The following TTC6 variants were observed in gnomAD, a reference collection of about 807,000 sequenced individuals.
The protein encoded by TTC6 is tetratricopeptide repeat domain 6, also known as tetratricopeptide repeat protein 6.
Under a neutral mutation model 210.4 loss-of-function variants are expected in TTC6, and 172 were observed. The observed-to-expected ratio is 0.82, with a 90% confidence interval of 0.72 to 0.93. The LOEUF is 0.93. TTC6 is among the 40% of genes least tolerant of loss of function. The probability of loss-of-function intolerance (pLI) is 0.00; values close to 1 mark genes in which losing one functional copy is unlikely to be tolerated. For missense variants in TTC6, 2,414 were observed against 2,318.1 expected, an observed-to-expected ratio of 1.04 and a Z score of -0.85; for synonymous variants, 804 against 819.6, an observed-to-expected ratio of 0.98 and a Z score of 0.32.
At chr14:37,738,920 A>G in exon 10 of TTC6, 5 of 1,535,482 alleles carry the variant, frequency 3.3e-6, no homozygotes, top group Non-Finnish European at 4.4e-6. Context: ...TAAGCAAAAT[A>G]AAACTGAGGA....
chr14:37,836,632 T>C (rs1262652288), intron 29 of TTC6, among the ~76,000 whole-genome samples: 1 of 152,234 alleles, frequency 6.6e-6, no homozygotes, highest in Non-Finnish European at 1.5e-5. Context: ...CTTGATATAC[T>C]GTATGCCTGA....
At chr14:37,687,744 G>C (rs968212395) in intron 3 of TTC6, among the ~76,000 whole-genome samples, 3 of 152,050 alleles carry the variant, frequency 2.0e-5, no homozygotes, top group African/African-American at 7.2e-5. Context: ...ACCCAGTTGT[G>C]GTAAGATTCA....
chr14:37,634,089 A>G (rs2095675364), intron 1 of TTC6, among the ~76,000 whole-genome samples: 1 of 152,182 alleles, frequency 6.6e-6, no homozygotes, highest in South Asian at 2.1e-4. Flanking sequence ...ATCCAGAAAC[A>G]TCTCAATTTG....
At chr14:37,634,308 A>G (rs1056093987) in intron 1 of TTC6, among the ~76,000 whole-genome samples, 7 of 152,330 alleles carry the variant, frequency 4.6e-5, no homozygotes, top group South Asian at 2.1e-4. Context: ...ACCAAAGGAA[A>G]TTTTTAGTAC....
chr14:37,646,455 C>T (rs929609493), intron 1 of TTC6, among the ~76,000 whole-genome samples: 1 of 151,972 alleles, frequency 6.6e-6, no homozygotes, highest in African/African-American at 2.4e-5. Flanking sequence ...GATGATGAGA[C>T]TATAGGATGG....
intron 1 of TTC6, among the ~76,000 whole-genome samples, chr14:37,633,185 T>G (rs2095673408): frequency 2.0e-5 from 3 of 152,198 alleles, no homozygotes; most frequent in Admixed American, 6.5e-5. Context: ...TAAAAACTCC[T>G]GAAGCTAGCT....
At chr14:37,833,143 G>T (rs2096189950) in intron 29 of TTC6, among the ~76,000 whole-genome samples, 1 of 151,882 alleles carries the variant, frequency 6.6e-6, no homozygotes, top group South Asian at 2.1e-4. Context: ...CTGTAGTGCA[G>T]TTTAAATCTG....
In TTC6 at chr14:37,706,622, G is replaced by A. The variant is rs79898944; in HGVS notation, c.1571+5096G>A. ...GCATTGCAACCATAATAAAGAATGA[G>A]GTAGAATTTTGTATTCTGAAAGGGT... On this transcript the variant is annotated intron_variant, in intron 5 of 30. Transcript: ENST00000553443. Among the ~76,000 whole-genome samples the A allele has an allele frequency of 9.1e-4, 139 of 152,130 alleles. No homozygotes were observed. The East Asian group carries it at 0.025, about 28-fold the overall frequency.
At chr14:37,820,944 T>TCTCCTCCTCCTTCTC in intron 26 of TTC6, among the ~76,000 whole-genome samples, 1 of 135,938 alleles carries the variant, frequency 7.4e-6, no homozygotes, top group South Asian at 2.2e-4. Context: ...TCCTCCTTCT[T>TCTCCTCCTCCTTCTC]CTCCTCCTCC....
intron 2 of TTC6, among the ~76,000 whole-genome samples, chr14:37,610,612 A>G (rs571652586): frequency 1.3e-5 from 2 of 152,334 alleles, no homozygotes; most frequent in East Asian, 3.9e-4. Flanking sequence ...ACAAAGAGAA[A>G]ATCTGAGAAG....
At chr14:37,635,089 C>A (rs2095677635) in intron 1 of TTC6, among the ~76,000 whole-genome samples, 1 of 152,162 alleles carries the variant, frequency 6.6e-6, no homozygotes, top group African/African-American at 2.4e-5. Flanking sequence ...CTTGCGTTTT[C>A]TAGATTGTGT....
At chr14:37,746,311 C>G (rs1401268016) in intron 10 of TTC6, among the ~76,000 whole-genome samples, 1 of 152,136 alleles carries the variant, frequency 6.6e-6, no homozygotes, top group Non-Finnish European at 1.5e-5. Context: ...CTGGTCTCTC[C>G]AAGGGTTGGG....
At chr14:37,613,265 A>G (rs1172894200) in intron 2 of TTC6, among the ~76,000 whole-genome samples, 1 of 152,128 alleles carries the variant, frequency 6.6e-6, no homozygotes, top group Non-Finnish European at 1.5e-5. Flanking sequence ...AATATAGTGA[A>G]TTATATTGAT....
chr14:37,624,670 G>A (rs1168999889), intron 1 of TTC6, among the ~76,000 whole-genome samples: 1 of 151,808 alleles, frequency 6.6e-6, no homozygotes, highest in African/African-American at 2.4e-5. Flanking sequence ...CGCTCAGGCT[G>A]GAGTGCAGTA....
intron 1 of TTC6, among the ~76,000 whole-genome samples, chr14:37,628,719 C>T (rs911344165): frequency 6.6e-6 from 1 of 152,134 alleles, no homozygotes; most frequent in African/African-American, 2.4e-5. Flanking sequence ...AGATTTTCTT[C>T]TAGGGTTTTT....
At chr14:37,763,601 T>C (rs2095990687) in intron 14 of TTC6, among the ~76,000 whole-genome samples, 1 of 152,186 alleles carries the variant, frequency 6.6e-6, no homozygotes, top group African/African-American at 2.4e-5. Context: ...CAATTGTTCA[T>C]AGTATTCTTT....
Position 37,711,109 on chromosome 14 carries a change from C to T in TTC6, c.1572-3546C>T, listed in dbSNP as rs574396844. ...TACTAATGATGCTCGATAGGGAATA[C>T]ACTTTGAGAACTACCCAGCATCTCC... On this transcript the variant is annotated intron_variant, in intron 5 of 30. Coordinates refer to ENST00000553443, the Ensembl canonical transcript of TTC6. 1.1e-3 allele frequency among the ~76,000 whole-genome samples: 164 copies of T among 152,266 alleles called. 2 individuals are homozygous for T. The Middle Eastern group carries it at 0.068, about 63-fold the overall frequency.
In TTC6 at chr14:37,615,670, T is replaced by G. The variant is rs1256435757; in HGVS notation, c.-154-6380T>G. ...AATCTCTAGCATATTTTCCTTTACT[T>G]CATTGAGCATAGTTATAACAGTTGC... is the stretch of plus-strand genomic sequence containing the variant. On this transcript the variant is annotated intron_variant, in intron 2 of 2. Transcript: ENST00000556845. Among the ~76,000 whole-genome samples, 5 of 152,164 alleles carry G rather than the reference T, an allele frequency of 3.3e-5. No individual in the cohort carries two copies. The East Asian group carries it at 9.6e-4, about 29-fold the overall frequency.
rs571784063 is a variant in TTC6, at chr14:37,810,781, T to C, written c.4570-1533T>C. ...TGCACTTAGGCATTCTCCCAAGATA[T>C]AGTTTCATAAAAACTAAGGGAAGAT... is the stretch of plus-strand genomic sequence containing the variant. On this transcript the variant is annotated intron_variant, in intron 24 of 30. Transcript: ENST00000553443. Among the ~76,000 whole-genome samples the C allele has an allele frequency of 2.6e-5, 4 of 152,326 alleles. No individual in the cohort carries two copies. In the East Asian group the frequency reaches 5.8e-4, roughly 22 times the overall value.
Sources: allele counts gnomAD v4.1 joint callset (sites outside exome capture counted in the v4.1 genomes callset), GRCh38; gene constraint gnomAD v4.1.1; transcripts MANE v1.5; gene names NCBI Gene and HGNC (gene_info 2026-07-23, HGNC 2026-07-21).